RREB1: variants seen among roughly 807,000 people sequenced by gnomAD.
RREB1 encodes the protein ras responsive element binding protein 1.
Under a neutral mutation model 117.8 loss-of-function variants are expected in RREB1, and 27 were observed. The observed-to-expected ratio is 0.23, with a 90% CI of 0.17 to 0.32. The LOEUF (loss-of-function observed/expected upper bound fraction) is 0.32. Among genes scored for constraint, RREB1 ranks in the 10% least tolerant of loss-of-function variants. The pLI is 1.00. For synonymous variants in RREB1, 1,298 were observed against 1,026.7 expected (o/e 1.26, Z -5.05); for missense variants, 2,577 against 2,378.2 (o/e 1.08, Z -1.74).
chr6:7,249,068 A>T lies in RREB1; in HGVS notation c.*100A>T, dbSNP rs1486259932. The T allele has an allele frequency of 1.4e-4, 10 of 72,494 alleles. No individual in the cohort carries two copies. Among genetic ancestry groups the T allele is most frequent in the African/African-American group, 7.9e-4 (5 of 6,362 alleles). 4.5% of individuals were successfully genotyped at this position (72,494 alleles called of 1,614,324 possible). A position where few individuals can be genotyped will look rare whatever the true frequency, so the allele number is the denominator to read the frequency against. On this transcript the variant is annotated 3_prime_UTR_variant, in exon 13 of 13. Transcript: ENST00000379938. ...CCCTTTGGCTGTTGAGGAGTGAGAG[A>T]GAGAGAGAGAGAGAGAGAGAGAGAG...
chr6:7,198,577 C>T (rs1396128190), intron 6 of RREB1, among the ~76,000 whole-genome samples: 1 of 152,088 alleles, frequency 6.6e-6, no homozygotes, highest in Non-Finnish European at 1.5e-5. Context: ...ATGGGATATA[C>T]GTAGTCAGCA....
chr6:7,210,611 A>G (rs1766525972), intron 6 of RREB1, among the ~76,000 whole-genome samples, 193 bp from the exon 7 acceptor site: 1 of 152,244 alleles, frequency 6.6e-6, no homozygotes, highest in Non-Finnish European at 1.5e-5. Context: ...TTTGGACAGC[A>G]CTTGTAAGAG....
In RREB1 at chr6:7,246,704, G is replaced by A. The variant is rs1224409035; in HGVS notation, c.4254G>A (p.Leu1418=). The change falls in exon 12 of 13, where the codon CTG becomes CTA. Residue 1418 remains leucine, a synonymous_variant. Transcript: ENST00000379938. ...CGTCGAGCAACCAGAGCCTGGACCT[G>A]GACTTCGCCACCAAGCTCATGGACT... is the stretch of plus-strand genomic sequence containing the variant. ...EDASSNQSLD[L]DFATKLMDFK... 1.3e-6 allele frequency: 2 copies of A among 1,585,036 alleles called. No homozygotes were observed. Among genetic ancestry groups the A allele is most frequent in the Admixed American group, 1.8e-5 (1 of 56,082 alleles).
rs1337132988 is a variant in RREB1 at position 7,251,101 on chromosome 6, C to G, written c.*2133C>G. 2 of 152,098 alleles carry G rather than the reference C, an allele frequency of 1.3e-5. No individual in the cohort carries two copies. The highest frequency in any genetic ancestry group is 1.3e-4 in the Admixed American group (2 of 15,260). The allele number at this position is 152,098 out of a possible 1,614,324, so 9.4% of individuals were successfully genotyped here. A position where few individuals can be genotyped will look rare whatever the true frequency, so the allele number is the denominator to read the frequency against. ...ATTGTGGGGAGAAGCTGTGACTAAACTCTACGCTGCGGTGAGATGTAGCAG... is the reference window on the plus strand; with the variant it reads ...ATTGTGGGGAGAAGCTGTGACTAAAGTCTACGCTGCGGTGAGATGTAGCAG... On this transcript the variant is annotated 3_prime_UTR_variant, in exon 13 of 13. Coordinates refer to ENST00000379938, the MANE Select transcript of RREB1 (RefSeq NM_001003699.4).
intron 1 of RREB1, among the ~76,000 whole-genome samples, chr6:7,109,788 G>A (rs916869208): frequency 6.6e-6 from 1 of 152,142 alleles, no homozygotes; most frequent in Non-Finnish European, 1.5e-5. Context: ...GCACACATTC[G>A]GGGCACTTTG....
chr6:7,156,472 G>A (rs1256574168), intron 1 of RREB1, among the ~76,000 whole-genome samples: 1 of 152,210 alleles, frequency 6.6e-6, no homozygotes, highest in Non-Finnish European at 1.5e-5. Context: ...TGCCTCTTAA[G>A]AGGGAACACC....
intron 10 of RREB1, among the ~76,000 whole-genome samples, chr6:7,237,371 G>A (rs991710368): frequency 5.9e-5 from 9 of 151,974 alleles, no homozygotes; most frequent in African/African-American, 2.2e-4. Context: ...ACAGGTGTGA[G>A]CCTCCGTGCC....
At chr6:7,243,242 T>G (rs1442331854) in intron 11 of RREB1, among the ~76,000 whole-genome samples, 2 of 152,252 alleles carry the variant, frequency 1.3e-5, no homozygotes, top group Non-Finnish European at 2.9e-5. Flanking sequence ...GTTGGTAGTC[T>G]GTCACAGTGG....
chr6:7,145,975 T>TTC (rs898775271), intron 1 of RREB1, among the ~76,000 whole-genome samples: 1 of 145,378 alleles, frequency 6.9e-6, no homozygotes, highest in Non-Finnish European at 1.5e-5. Context: ...TCCTCTCTCT[T>TTC]TCTCTCTCTC....
chr6:7,166,821 G>GGAGAATCCC (rs1768622679), intron 1 of RREB1, among the ~76,000 whole-genome samples: 4 of 152,212 alleles, frequency 2.6e-5, no homozygotes, highest in Admixed American at 2.0e-4. Context: ...GGGGCAAAGT[G>GGAGAATCCC]GAGAATCCCG....
In RREB1 at chr6:7,211,338, AGATG is replaced by A. The variant is rs555086914; in HGVS notation, c.571-185_571-182del. Among the ~76,000 whole-genome samples the A allele has an allele frequency of 5.3e-3, 633 of 118,666 alleles. 5 individuals carry two copies. Among genetic ancestry groups the A allele is most frequent in the African/African-American group, 0.016 (496 of 30,154 alleles). 77.8% of individuals were successfully genotyped at this position (118,666 alleles called of 152,430 possible). ...AGGGTGGGTGGATGGATGGATGGAC[AGATG>A]GATGGATGGATGGATGGATGGATGG... is the stretch of plus-strand genomic sequence containing the variant. On this transcript the variant is annotated intron_variant, in intron 7 of 12. Coordinates refer to ENST00000379938, the MANE Select transcript of RREB1 (RefSeq NM_001003699.4).
At chr6:7,125,400 T>C (rs1202716816) in intron 1 of RREB1, among the ~76,000 whole-genome samples, 1 of 151,930 alleles carries the variant, frequency 6.6e-6, no homozygotes, top group African/African-American at 2.4e-5. Context: ...AGTGGAAGAG[T>C]GGGGCCTTGG....
Position 7,231,867 on chromosome 6 carries a change from T to C in RREB1, c.3768T>C (p.Pro1256=), listed in dbSNP as rs199566195. The change falls in exon 10 of 13, where the codon CCT becomes CCC. Residue 1256 remains proline (P), a synonymous_variant. Coordinates refer to ENST00000379938, the MANE Select transcript of RREB1 (RefSeq NM_001003699.4). ...GTCCCCACTGTCCCCGGGTTTTCCC[T>C]TGGGCCAGCTCCCTACAGAGGCACA... ...ITCPHCPRVF[P]WASSLQRHML... 1.2e-6 allele frequency: 2 copies of C among 1,612,704 alleles called. No homozygotes were observed. The highest frequency in any genetic ancestry group is 4.5e-5 in the East Asian group (2 of 44,876).
At chr6:7,210,101 A>G (rs1217488767) in intron 6 of RREB1, among the ~76,000 whole-genome samples, 1 of 152,258 alleles carries the variant, frequency 6.6e-6, no homozygotes, top group East Asian at 1.9e-4. Context: ...AATAACCCAT[A>G]AGACTCTCTT....
intron 1 of RREB1, among the ~76,000 whole-genome samples, chr6:7,148,099 G>A (rs1194890058): frequency 6.6e-6 from 1 of 152,138 alleles, no homozygotes; most frequent in Non-Finnish European, 1.5e-5. Flanking sequence ...GAGCCAGCAG[G>A]GTATACGTGG....
intron 6 of RREB1, among the ~76,000 whole-genome samples, chr6:7,206,605 G>T (rs1766288020): frequency 6.9e-6 from 1 of 145,726 alleles, no homozygotes; most frequent in Non-Finnish European, 1.5e-5. Flanking sequence ...TCAACTGAGG[G>T]TGAGGGGACA....
intron 12 of RREB1, among the ~76,000 whole-genome samples, chr6:7,247,999 T>C (rs1005210470): frequency 3.9e-5 from 6 of 152,174 alleles, no homozygotes; most frequent in African/African-American, 1.4e-4. Flanking sequence ...CCAGGGTCCT[T>C]GGCTCTCAGA....
At chr6:7,116,260 C>G (rs968618121) in intron 1 of RREB1, among the ~76,000 whole-genome samples, 3 of 152,210 alleles carry the variant, frequency 2.0e-5, no homozygotes, top group Admixed American at 6.5e-5. Flanking sequence ...CCCACTGCCA[C>G]ACTGAATTGA....
At chr6:7,151,845 T>C (rs1763138494) in intron 1 of RREB1, among the ~76,000 whole-genome samples, 1 of 152,264 alleles carries the variant, frequency 6.6e-6, no homozygotes, top group African/African-American at 2.4e-5. Context: ...ATTTTGGCTG[T>C]ATAAAGCATA....
Sources: gnomAD v4.1 joint callset for allele counts (sites outside exome capture counted in the v4.1 genomes callset) on GRCh38, gnomAD v4.1.1 for gene constraint, MANE v1.5 for transcripts, NCBI Gene and HGNC (gene_info 2026-07-23, HGNC 2026-07-21) for gene names.